FBN3: variants seen among roughly 807,000 people sequenced by gnomAD.
FBN3 encodes the protein fibrillin 3, also known as fibrillin-3.
A neutral mutation model predicts 330.1 loss-of-function variants in FBN3; 234 were observed. The ratio of observed to expected loss-of-function variants is 0.71; its 90% CI spans 0.64 to 0.79. FBN3 has a LOEUF of 0.79. Among genes scored for constraint, FBN3 ranks in the 30% least tolerant of loss-of-function variants. The pLI, the probability that FBN3 is intolerant of heterozygous loss-of-function variation, is 0.00. For missense variants in FBN3, 3,606 were observed against 3,886.9 expected (o/e 0.93, Z 1.92); for synonymous variants, 1,458 against 1,517.3 (o/e 0.96, Z 0.91).
At chr19:8,107,992 TA>T (rs58568214) in intron 37 of FBN3, among the ~76,000 whole-genome samples, 177 bp downstream of exon 37, 3 of 151,828 alleles carry the variant, frequency 2.0e-5, no homozygotes, top group African/African-American at 7.3e-5. Flanking sequence ...AAAGAACAGA[TA>T]AAAAAAATTA....
chr19:8,082,410 C>T (rs2081819121), intron 57 of FBN3, among the ~76,000 whole-genome samples: 1 of 149,494 alleles, frequency 6.7e-6, no homozygotes, highest in African/African-American at 2.5e-5. Flanking sequence ...TCTTTCTCCC[C>T]TTTCTCTTTG....
At position 8,149,375 on chromosome 19, in the gene FBN3, C is replaced by G. The variant is rs190869030; in HGVS notation, c.-18+74G>C. On this transcript the variant is annotated intron_variant, in intron 1 of 63. Transcript: ENST00000600128. This position sits in a 1 kb window ranked among gnomAD's most constrained non-coding sequence, Gnocchi z 5.5. Reference sequence around the variant, plus strand: ...ATCCTCTCCCCCTCCCCCTGCCGGCCCCCCCGCCCCCGCCTTCTCCACCCT... The same window carrying G: ...ATCCTCTCCCCCTCCCCCTGCCGGCGCCCCCGCCCCCGCCTTCTCCACCCT... 1 of 151,694 alleles carries G rather than the reference C, an allele frequency of 6.6e-6. No individual in the cohort carries two copies. The highest frequency in any genetic ancestry group is 2.4e-5 in the African/African-American group (1 of 41,352). The allele number at this position is 151,694 out of a possible 1,614,324, so 9.4% of individuals were successfully genotyped here. A position where few individuals can be genotyped will look rare whatever the true frequency, so the allele number is the denominator to read the frequency against.
Position 8,088,139 on chromosome 19 carries a change from C to T in FBN3, c.6417G>A (p.Gly2139=). ...ECSVGHPCGQ[G]TCTNVIGGFE... Reference sequence around the variant, plus strand: ...AGCCTCCGATGACATTGGTGCATGTCCCTTGCCCACAGGGGTGGCCGACAG... The same window carrying T: ...AGCCTCCGATGACATTGGTGCATGTTCCTTGCCCACAGGGGTGGCCGACAG... Residue 2139 remains glycine, a synonymous_variant, in exon 52 of 64, where the codon GGG becomes GGA. Transcript: ENST00000600128. 1 of 1,612,948 alleles carries T rather than the reference C, an allele frequency of 6.2e-7. No individual in the cohort carries two copies. The highest frequency in any genetic ancestry group is 8.5e-7 in the Non-Finnish European group (1 of 1,179,368).
rs1317035484 is a variant in FBN3 at position 8,138,296 on chromosome 19, C to T, written c.1046G>A (p.Arg349Gln). Residue 349 changes from arginine (R) to glutamine (Q), a missense_variant, in exon 10 of 64, where the codon CGG becomes CAG. Transcript: ENST00000600128. ...AGGGTGGCCGGGTAGCAGCGGCAGC[C>T]GCTGGGCGCACAGTTGCTGGAATTC... Reference protein sequence around the residue: ...SNEFQQLCAQRLPLLPGHPGL... With the variant: ...SNEFQQLCAQQLPLLPGHPGL... 5.6e-6 allele frequency: 9 copies of T among 1,613,144 alleles called. No individual in the cohort carries two copies. The highest frequency in any genetic ancestry group is 2.7e-5 in the African/African-American group (2 of 74,914).
At chr19:8,085,605 A>C in intron 55 of FBN3, 36 bp from the exon 56 acceptor site, 2 of 1,464,892 alleles carry the variant, frequency 1.4e-6, no homozygotes, top group East Asian at 5.0e-5. Flanking sequence ...CGGTCACTCC[A>C]GGAGGCTGGT....
At chr19:8,147,930 C>T (rs1054083976) in intron 1 of FBN3, among the ~76,000 whole-genome samples, 1 of 151,524 alleles carries the variant, frequency 6.6e-6, no homozygotes, top group Non-Finnish European at 1.5e-5. Context: ...CAGCAGGGTC[C>T]CGGGGGGGAA....
chr19:8,081,015 G>C lies in FBN3; in HGVS notation c.7441C>G (p.Gln2481Glu). The C allele has an allele frequency of 1.9e-6, 3 of 1,611,338 alleles. No homozygotes were observed. The highest frequency in any genetic ancestry group is 2.5e-6 in the Non-Finnish European group (3 of 1,178,606). The change falls in exon 59 of 64, where the codon CAG (glutamine) becomes GAG (glutamate). Residue 2481 changes from glutamine (Q) to glutamate (E), a missense_variant. Physicochemically the swap from Gln to Glu is conservative, Grantham distance 29. Transcript: ENST00000600128. ...RCPPGFTQHH[Q>E]ACFDNDECSA... is the part of the protein sequence containing the mutation. ...AAGGGTCACTCACCGAAGCAGGCCT[G>C]GTGGTGCTGGGTGAAGCCGGGCGGA...
intron 54 of FBN3, 146 bp from the exon 55 acceptor site, chr19:8,086,471 T>TTA (rs1364495471): frequency 6.7e-6 from 2 of 299,084 alleles, no homozygotes; most frequent in African/African-American, 4.9e-5. Flanking sequence ...TATTATTATT[T>TTA]TTTGAGACAG....
Position 8,096,109 on chromosome 19 carries a change from C to T in FBN3, c.5540-29G>A, listed in dbSNP as rs756650192. 39 of 1,553,010 alleles carry T rather than the reference C, an allele frequency of 2.5e-5. 1 individual carries two copies. In the South Asian group the frequency reaches 4.1e-4, roughly 16 times the overall value. On this transcript the variant is annotated intron_variant, in intron 44 of 63. Coordinates refer to ENST00000600128, the MANE Select transcript of FBN3 (RefSeq NM_032447.5). This position sits in a 1 kb window ranked among gnomAD's most constrained non-coding sequence, Gnocchi z 4.6. ...CAGAAGCAAAGCCGAGAGCCCAACC[C>T]AGCTCACCCAGGGCATTGGGGAACT...
chr19:8,097,397 C>T lies in FBN3; in HGVS notation c.5179G>A (p.Glu1727Lys). ...CCATTGGCACAGATGGCGGGGATCT[C>T]CCCACACTCATCAATGTCTGCAGAA... The part of the protein sequence containing the change: ...GKPLDIDECG[E>K]IPAICANGIC... Residue 1727 changes from glutamate (E) to lysine (K), a missense_variant, in exon 42 of 64, where the codon GAG becomes AAG. Coordinates refer to ENST00000600128, the MANE Select transcript of FBN3 (RefSeq NM_032447.5). The T allele has an allele frequency of 6.3e-7, 1 of 1,597,514 alleles. No homozygotes were observed. The highest frequency in any genetic ancestry group is 8.6e-7 in the Non-Finnish European group (1 of 1,166,346).
At position 8,131,672 on chromosome 19, in the gene FBN3, G is replaced by A. The variant is rs746511749; in HGVS notation, c.1872C>T (p.Ile624=). The A allele has an allele frequency of 1.5e-5, 24 of 1,614,192 alleles. No homozygotes were observed. Among genetic ancestry groups the A allele is most frequent in the Non-Finnish European group, 2.0e-5 (24 of 1,180,032 alleles). ...THVRSTCYGA[I]EKGSCARPFP... ...AGGGGCGGGCACAGGAGCCCTTCTCGATGGCCCCATAGCAGGTGCTGCGCA... is the reference window on the plus strand; with the variant it reads ...AGGGGCGGGCACAGGAGCCCTTCTCAATGGCCCCATAGCAGGTGCTGCGCA... The change falls in exon 15 of 64, where the codon ATC becomes ATT. Residue 624 remains isoleucine (I), a synonymous_variant. Transcript: ENST00000600128. The surrounding 1 kb of genome is among the most constrained non-coding windows in gnomAD (Gnocchi z 4.5).
chr19:8,133,741 C>G (rs942379792), intron 13 of FBN3, among the ~76,000 whole-genome samples: 1 of 151,910 alleles, frequency 6.6e-6, no homozygotes, highest in Non-Finnish European at 1.5e-5. Context: ...CGTGAGCCAC[C>G]GCGCCCAACC....
chr19:8,072,345 C>T, intron 62 of FBN3, 147 bp from the exon 63 acceptor site: 1 of 841,084 alleles, frequency 1.2e-6, no homozygotes, highest in Non-Finnish European at 1.8e-6. Flanking sequence ...TGGTGTGGCT[C>T]CGTGTGCACG....
chr19:8,077,652 G>C (rs960463963), intron 59 of FBN3, among the ~76,000 whole-genome samples: 3 of 150,572 alleles, frequency 2.0e-5, no homozygotes, highest in African/African-American at 7.3e-5. Flanking sequence ...AAACAAAAAC[G>C]AGCAAACAAA....
Position 8,066,070 on chromosome 19 carries a change from G to C in FBN3, c.8279C>G (p.Ser2760Cys). The change falls in exon 64 of 64, where the codon TCC (serine) becomes TGC (cysteine). Residue 2760 changes from serine (S) to cysteine (C), a missense_variant. Coordinates refer to ENST00000600128, the MANE Select transcript of FBN3 (RefSeq NM_032447.5). ...CGGCCGCCTCCGCCCCAGCTGCAGG[G>C]AGCTGACGCCACGGAGGTGATGCAT... is the stretch of plus-strand genomic sequence containing the variant. Reference protein sequence around the residue: ...FRMHHLRGVSSLQLGRRRPGP... With the variant: ...FRMHHLRGVSCLQLGRRRPGP... 1 of 1,613,414 alleles carries C rather than the reference G, an allele frequency of 6.2e-7. No individual in the cohort carries two copies. Among genetic ancestry groups the C allele is most frequent in the Admixed American group, 1.7e-5 (1 of 60,030 alleles).
chr19:8,116,714 A>G lies in FBN3; in HGVS notation c.3672T>C (p.Tyr1224=). The change falls in exon 29 of 64, where the codon TAT becomes TAC. Residue 1224 remains tyrosine (Y), a synonymous_variant. Coordinates refer to ENST00000600128, the MANE Select transcript of FBN3 (RefSeq NM_032447.5). ...NMPGGHRCLC[Y]DGFMATPDMR... ...TGTCTGGCGTGGCCATGAAGCCATC[A>G]TAGCACAGGCAGCGGTGACCCCCTG... The G allele has an allele frequency of 1.2e-6, 2 of 1,614,004 alleles. No homozygotes were observed. Among genetic ancestry groups the G allele is most frequent in the Non-Finnish European group, 1.7e-6 (2 of 1,179,956 alleles).
chr19:8,107,637 G>T (rs1372075953), intron 37 of FBN3, among the ~76,000 whole-genome samples: 3 of 151,192 alleles, frequency 2.0e-5, no homozygotes, highest in Non-Finnish European at 4.4e-5. Context: ...GGAATGAATG[G>T]TTGACTAGAT....
chr19:8,073,205 A>C lies in FBN3; in HGVS notation c.7795T>G (p.Phe2599Val). ...GGFRCVCPSGFDFDQALGGCQ... is the reference protein window; with the variant it reads ...GGFRCVCPSGVDFDQALGGCQ... ...CCCCCGAGGGCCTGATCAAAGTCAAAGCCAGAGGGGCAGACGCAGCGGAAG... is the reference window on the plus strand; with the variant it reads ...CCCCCGAGGGCCTGATCAAAGTCAACGCCAGAGGGGCAGACGCAGCGGAAG... Residue 2599 changes from phenylalanine (F) to valine (V), a missense_variant, in exon 62 of 64, where the codon TTT becomes GTT. By Grantham distance (50) the Phe-to-Val change is conservative. Coordinates refer to ENST00000600128, the MANE Select transcript of FBN3 (RefSeq NM_032447.5). 1 of 1,614,050 alleles carries C rather than the reference A, an allele frequency of 6.2e-7. No individual in the cohort carries two copies. The highest frequency in any genetic ancestry group is 1.1e-5 in the South Asian group (1 of 91,082).
rs1343847537 is a variant in FBN3, at chr19:8,109,213, C to T, written c.4618+14G>A. 5.0e-6 allele frequency: 8 copies of T among 1,613,662 alleles called. No individual in the cohort carries two copies. Among genetic ancestry groups the T allele is most frequent in the African/African-American group, 4.0e-5 (3 of 74,916 alleles). ...GCTTAGGTCACGGTGTTCAACTGCCCCGCAGGGACTCACTGGTGTTGGCCA... is the reference window on the plus strand; with the variant it reads ...GCTTAGGTCACGGTGTTCAACTGCCTCGCAGGGACTCACTGGTGTTGGCCA... On this transcript the variant is annotated intron_variant, in intron 36 of 63. Transcript: ENST00000600128. This position sits in a 1 kb window ranked among gnomAD's most constrained non-coding sequence, Gnocchi z 5.2.
Sources: allele counts gnomAD v4.1 joint callset (sites outside exome capture counted in the v4.1 genomes callset), GRCh38; gene constraint gnomAD v4.1.1; non-coding constraint Gnocchi (gnomAD v3.1); transcripts MANE v1.5; gene names NCBI Gene and HGNC (gene_info 2026-07-23, HGNC 2026-07-21).